NTN1: variants seen among roughly 807,000 people sequenced by gnomAD.
NTN1 encodes the protein netrin-1.
Under a neutral mutation model 54.2 loss-of-function variants are expected in NTN1, and 11 were observed. That is an observed-to-expected ratio of 0.20 (90% CI 0.13 to 0.34). The LOEUF is 0.34. Ranked by LOEUF, NTN1 falls within the 10% of genes least tolerant of loss-of-function variation. The pLI is 1.00. For synonymous variants in NTN1, 371 were observed against 382.0 expected, an observed-to-expected ratio of 0.97 and a Z score of 0.33; for missense variants, 740 against 893.1, an observed-to-expected ratio of 0.83 and a Z score of 2.18.
intron 5 of NTN1, among the ~76,000 whole-genome samples, chr17:9,205,240 A>G (rs1019074800): frequency 1.3e-5 from 2 of 152,088 alleles, no homozygotes; most frequent in South Asian, 4.2e-4. Context: ...TGAGGGCACT[A>G]TTTGGGGAAG....
At chr17:9,183,977 A>T (rs1230201638) in intron 5 of NTN1, among the ~76,000 whole-genome samples, 1 of 152,248 alleles carries the variant, frequency 6.6e-6, no homozygotes, top group East Asian at 1.9e-4. Context: ...GCAGAAAGTG[A>T]CAGTGGGGCA....
chr17:9,155,017 T>A (rs1363128790), intron 2 of NTN1, among the ~76,000 whole-genome samples: 1 of 152,210 alleles, frequency 6.6e-6, no homozygotes, highest in African/African-American at 2.4e-5. Context: ...GGTGACCATA[T>A]GCACGTTACA....
At chr17:9,026,615 G>A (rs1012020405) in intron 2 of NTN1, among the ~76,000 whole-genome samples, 3 of 152,156 alleles carry the variant, frequency 2.0e-5, no homozygotes, top group African/African-American at 7.2e-5. Flanking sequence ...TGCATGAACA[G>A]TTGTAAACCA....
chr17:9,011,847 C>A, the NTN1 span, among the ~76,000 whole-genome samples: 3 of 152,164 alleles, frequency 2.0e-5, no homozygotes, highest in African/African-American at 7.2e-5. Context: ...CTCGGCCCCC[C>A]AGAGTGCTGA....
rs1255163710 is a variant in NTN1, at chr17:9,219,959, T to C, written c.1412-1209T>C. Among the ~76,000 whole-genome samples, 1 of 152,204 alleles carries C rather than the reference T, an allele frequency of 6.6e-6. No individual in the cohort carries two copies. The highest frequency in any genetic ancestry group is 1.5e-5 in the Non-Finnish European group (1 of 68,030). On this transcript the variant is annotated intron_variant, in intron 5 of 6. Coordinates refer to ENST00000173229, the MANE Select transcript of NTN1 (RefSeq NM_004822.3). This position sits in a 1 kb window ranked among gnomAD's most constrained non-coding sequence, Gnocchi z 4.5. ...TGCCACCACTGCTTCTAGAACAGGCTGGGCCCCCTGCAGCTCCCTGCAGCT... is the reference window on the plus strand; with the variant it reads ...TGCCACCACTGCTTCTAGAACAGGCCGGGCCCCCTGCAGCTCCCTGCAGCT...
At chr17:9,095,101 G>T (rs1274086999) in intron 2 of NTN1, among the ~76,000 whole-genome samples, 1 of 151,514 alleles carries the variant, frequency 6.6e-6, no homozygotes, top group African/African-American at 2.4e-5. Context: ...TTTTTTTGGG[G>T]AATTGCTTAT....
intron 2 of NTN1, among the ~76,000 whole-genome samples, chr17:9,140,250 C>T (rs1446945498): frequency 2.0e-5 from 3 of 152,050 alleles, no homozygotes; most frequent in African/African-American, 7.2e-5. Flanking sequence ...AGGTGGAGGT[C>T]ATTGTGAGGA....
intron 2 of NTN1, among the ~76,000 whole-genome samples, chr17:9,030,484 C>T (rs560907872): frequency 6.6e-6 from 1 of 152,190 alleles, no homozygotes; most frequent in Non-Finnish European, 1.5e-5. Flanking sequence ...CAGTGGCTCA[C>T]GCCTGTAATC....
intron 5 of NTN1, among the ~76,000 whole-genome samples, chr17:9,198,871 AACCGCTTTC>A (rs968988992): frequency 6.6e-6 from 1 of 152,152 alleles, no homozygotes; most frequent in African/African-American, 2.4e-5. Context: ...ACAAAGGACT[AACCGCTTTC>A]ACCTACGAGG....
intron 2 of NTN1, among the ~76,000 whole-genome samples, chr17:9,040,928 C>A (rs2091919270): frequency 6.6e-6 from 1 of 152,040 alleles, no homozygotes; most frequent in Admixed American, 6.6e-5. Flanking sequence ...CCTCCTACCT[C>A]ACACTCTTGA....
chr17:9,203,793 AC>A (rs746609553), intron 5 of NTN1, among the ~76,000 whole-genome samples: 19 of 151,878 alleles, frequency 1.3e-4, no homozygotes, highest in Non-Finnish European at 2.8e-4. Flanking sequence ...TCAGAGTGAG[AC>A]TCTGTCTCAT....
At chr17:9,118,449 T>A (rs1044243242) in intron 2 of NTN1, among the ~76,000 whole-genome samples, 1 of 152,036 alleles carries the variant, frequency 6.6e-6, no homozygotes, top group Non-Finnish European at 1.5e-5. Context: ...ACCCAGGAGT[T>A]TGCAGTGAGC....
intron 3 of NTN1, among the ~76,000 whole-genome samples, chr17:9,178,673 A>G (rs1317980885): frequency 6.6e-6 from 1 of 152,170 alleles, no homozygotes; most frequent in Non-Finnish European, 1.5e-5. Flanking sequence ...ACGAGGGGAC[A>G]CCTGGAATTG....
intron 3 of NTN1, among the ~76,000 whole-genome samples, chr17:9,169,230 G>GACATTCC (rs1173773928): frequency 6.6e-6 from 1 of 152,194 alleles, no homozygotes; most frequent in Non-Finnish European, 1.5e-5. Context: ...TTCCAGCTTT[G>GACATTCC]ACATTCCACA....
chr17:9,010,820 TG>T, the NTN1 span, among the ~76,000 whole-genome samples: 859 of 152,196 alleles, frequency 5.6e-3, 2 homozygotes, highest in Non-Finnish European at 8.7e-3. Context: ...TCCATGGGCG[TG>T]GGGGTAGGGG....
intron 6 of NTN1, among the ~76,000 whole-genome samples, chr17:9,228,561 CAGAG>C (rs572929195): frequency 3.0e-4 from 46 of 152,298 alleles, no homozygotes; most frequent in African/African-American, 8.2e-4. Flanking sequence ...GAGGGGGAGA[CAGAG>C]AGCTCACATT....
chr17:9,240,128 G>A lies in NTN1; in HGVS notation c.*160G>A, dbSNP rs1389223120. ...CGGCGCGGGGGGCGGGACCCTCGGC[G>A]GCCCCTCCCCCTACCCCCACCCTGC... On this transcript the variant is annotated 3_prime_UTR_variant, in exon 7 of 7. Transcript: ENST00000173229. 3.5e-6 allele frequency: 1 copy of A among 281,754 alleles called. No homozygotes were observed. Among genetic ancestry groups the A allele is most frequent in the Non-Finnish European group, 5.5e-6 (1 of 182,676 alleles). 17.5% of individuals were successfully genotyped at this position (281,754 alleles called of 1,614,324 possible). A position where few individuals can be genotyped will look rare whatever the true frequency, so the allele number is the denominator to read the frequency against.
intron 6 of NTN1, among the ~76,000 whole-genome samples, chr17:9,231,918 G>A (rs1905829348): frequency 6.6e-6 from 1 of 152,184 alleles, no homozygotes; most frequent in South Asian, 2.1e-4. Context: ...CGGTTGGGGG[G>A]ACGCTCACTG....
chr17:9,230,456 C>T (rs377625991), intron 6 of NTN1, among the ~76,000 whole-genome samples: 1 of 92,002 alleles, frequency 1.1e-5, no homozygotes, highest in Admixed American at 1.1e-4. Context: ...TGACCCCCCC[C>T]CCGAGTGCCA....
Sources: gnomAD v4.1 joint callset for allele counts (sites outside exome capture counted in the v4.1 genomes callset) on GRCh38, gnomAD v4.1.1 for gene constraint, Gnocchi (gnomAD v3.1) non-coding constraint, MANE v1.5 for transcripts, NCBI Gene and HGNC (gene_info 2026-07-23, HGNC 2026-07-21) for gene names.